The following HPD variants were observed in gnomAD, a reference collection of about 807,000 sequenced individuals.
HPD encodes the protein 4-hydroxyphenylpyruvate dioxygenase.
HPD carries 35 observed loss-of-function variants against 56.9 expected under a neutral mutation model. The observed-to-expected ratio is 0.62, with a 90% CI of 0.47 to 0.82. HPD has a LOEUF of 0.82. HPD is among the 40% of genes least tolerant of loss of function. The pLI, the probability that HPD is intolerant of heterozygous loss-of-function variation, is 0.00. For synonymous variants in HPD, 186 were observed against 200.2 expected, an observed-to-expected ratio of 0.93 and a Z score of 0.60; for missense variants, 442 against 506.8, an observed-to-expected ratio of 0.87 and a Z score of 1.23.
At chr12:121,876,848 C>G in the HPD span, among the ~76,000 whole-genome samples, 120 of 152,148 alleles carry the variant, frequency 7.9e-4, no homozygotes, top group African/African-American at 2.8e-3. Flanking sequence ...CTTTGGGAGG[C>G]TGAAGTGGGC....
intron 12 of HPD, among the ~76,000 whole-genome samples, chr12:121,842,609 T>C (rs1405384765): frequency 6.6e-6 from 1 of 151,878 alleles, no homozygotes; most frequent in Non-Finnish European, 1.5e-5. Flanking sequence ...TTTTTCTTTT[T>C]GTAGAGATGG....
At chr12:121,884,494 C>T in the HPD span, among the ~76,000 whole-genome samples, 1 of 151,272 alleles carries the variant, frequency 6.6e-6, no homozygotes, top group Admixed American at 6.6e-5. Context: ...TTTGTAGAGA[C>T]GTAAGTCTTG....
At chr12:121,885,358 C>T in the HPD span, among the ~76,000 whole-genome samples, 60 of 152,150 alleles carry the variant, frequency 3.9e-4, no homozygotes, top group South Asian at 0.012. Flanking sequence ...TGAGTCACCA[C>T]GTCCAGCTAA....
At chr12:121,848,701 G>A (rs867895575) in intron 9 of HPD, among the ~76,000 whole-genome samples, 4 of 152,092 alleles carry the variant, frequency 2.6e-5, no homozygotes, top group African/African-American at 9.7e-5. Flanking sequence ...CACCTCCCGG[G>A]TTCAAGCGAT....
Position 121,854,757 on chromosome 12 carries a change from C to T in HPD, c.360G>A (p.Glu120=), listed in dbSNP as rs756970460. The T allele has an allele frequency of 1.2e-6, 2 of 1,614,008 alleles. No individual in the cohort carries two copies. Among genetic ancestry groups the T allele is most frequent in the African/African-American group, 1.3e-5 (1 of 74,926 alleles). ...ARERGAKIMR[E]PWVEQDKFGK... ...CAAACTTGTCTTGCTCTACCCAGGG[C>T]TCCCGCATGATTTTGGCGCCCCGTT... The change falls in exon 7 of 14, where the codon GAG becomes GAA. Residue 120 remains glutamate (E), a synonymous_variant. Transcript: ENST00000289004.
Position 121,857,795 on chromosome 12 carries a change from A to G in HPD, c.55T>C (p.Phe19Leu), listed in dbSNP as rs1878059751. ...CCAACCCAGAAGGTCACAGAGTGGA[A>G]GTGGAGGAATCGGCCTCTCTCAGGC... ...AKPERGRFLH[F>L]HSVTFWVGNA... The change falls in exon 3 of 14, where the codon TTC becomes CTC. Residue 19 changes from phenylalanine (F) to leucine (L), a missense_variant. Physicochemically the swap from Phe to Leu is conservative, Grantham distance 22. Coordinates refer to ENST00000289004, the MANE Select transcript of HPD (RefSeq NM_002150.3). 1 of 1,613,950 alleles carries G rather than the reference A, an allele frequency of 6.2e-7. No homozygotes were observed. Among genetic ancestry groups the G allele is most frequent in the Non-Finnish European group, 8.5e-7 (1 of 1,179,868 alleles).
rs1387148840 is a variant in HPD, at chr12:121,847,096, G to A, written c.715C>T (p.Pro239Ser). Residue 239 changes from proline to serine, a missense_variant, in exon 10 of 14, where the codon CCC becomes TCC. Physicochemically the swap from Pro to Ser is moderately conservative, Grantham distance 74. Coordinates refer to ENST00000289004, the MANE Select transcript of HPD (RefSeq NM_002150.3). ...VANYEESIKM[P>S]INEPAPGKKK... ...TTGCCAGGCGCTGGCTCATTGATGG[G>A]CATCTTGATGGACTCTTCATAGTTG... is the stretch of plus-strand genomic sequence containing the variant. 6.2e-7 allele frequency: 1 copy of A among 1,614,036 alleles called. No homozygotes were observed. The highest frequency in any genetic ancestry group is 8.5e-7 in the Non-Finnish European group (1 of 1,180,044).
At chr12:121,855,655 T>C (rs556992676) in intron 6 of HPD, among the ~76,000 whole-genome samples, 5 of 151,314 alleles carry the variant, frequency 3.3e-5, no homozygotes, top group Non-Finnish European at 7.4e-5. Context: ...AGGTGGAGGT[T>C]GCAGTGAGCC....
At chr12:121,883,181 TG>T in the HPD span, among the ~76,000 whole-genome samples, 46 of 2,280 alleles carry the variant, frequency 0.02, no homozygotes, top group African/African-American at 0.028. Context: ...GAGCATAAGT[TG>T]TGTGTGTGTG....
chr12:121,860,590 GCTC>G, upstream of HPD, among the ~76,000 whole-genome samples: 1 of 152,260 alleles, frequency 6.6e-6, no homozygotes, highest in East Asian at 1.9e-4. Context: ...TTCAGGCTGG[GCTC>G]CACTGGATAA....
upstream of HPD, among the ~76,000 whole-genome samples, chr12:121,867,080 G>C (rs185871362): frequency 3.3e-5 from 5 of 152,284 alleles, no homozygotes; most frequent in South Asian, 2.1e-4. Context: ...GCCGGGTGTG[G>C]TGGCTCACGC....
At chr12:121,857,155 C>A (rs1400309550) in intron 4 of HPD, 173 bp downstream of exon 4, 4 of 614,732 alleles carry the variant, frequency 6.5e-6, no homozygotes, top group Admixed American at 2.3e-5. Context: ...CGTTGGCTCA[C>A]TGCAACCTCT....
At chr12:121,864,409 C>T (rs1249414506), upstream of HPD, among the ~76,000 whole-genome samples, 5 of 150,650 alleles carry the variant, frequency 3.3e-5, no homozygotes, top group Admixed American at 6.6e-5. Context: ...AAAAAGTAGC[C>T]GGCTATAGTG....
At chr12:121,869,527 A>G in the HPD span, among the ~76,000 whole-genome samples, 1 of 150,396 alleles carries the variant, frequency 6.6e-6, no homozygotes, top group Admixed American at 6.8e-5. Flanking sequence ...CTTATCGAAT[A>G]TATTTGGAAG....
rs1031930528 is a variant in HPD, at chr12:121,857,373, C to G, written c.153G>C (p.Glu51Asp). 7.4e-6 allele frequency: 12 copies of G among 1,614,052 alleles called. No homozygotes were observed. The African/African-American group carries it at 1.6e-4, about 22-fold the overall frequency. Residue 51 changes from glutamate to aspartate, a missense_variant, in exon 4 of 14, where the codon GAG becomes GAC. Transcript: ENST00000289004. ...GFEPLAYRGL[E>D]TGSREVVSHV... is the part of the protein sequence containing the mutation. ...GGCTGACCACCTCCCGGGAACCGGT[C>G]TCCAGGCCCCTGTAGGCTAGAGGTT...
upstream of HPD, among the ~76,000 whole-genome samples, chr12:121,859,602 C>A (rs1419332350): frequency 6.6e-6 from 1 of 152,198 alleles, no homozygotes; most frequent in Non-Finnish European, 1.5e-5. Flanking sequence ...ATATTGATAT[C>A]CCCATCAGAT....
chr12:121,874,293 A>G, the HPD span: 1 of 152,122 alleles, frequency 6.6e-6, no homozygotes, highest in African/African-American at 2.4e-5. Context: ...CCACATTCAT[A>G]TTACTATGTT....
chr12:121,868,248 T>A (rs1878375233), upstream of HPD, among the ~76,000 whole-genome samples: 1 of 152,140 alleles, frequency 6.6e-6, no homozygotes, highest in Admixed American at 6.6e-5. Context: ...TATTAACAAA[T>A]CAAGGGAGAA....
chr12:121,859,553 C>A (rs1480713910), upstream of HPD, among the ~76,000 whole-genome samples: 2 of 152,166 alleles, frequency 1.3e-5, no homozygotes, highest in African/African-American at 4.8e-5. Context: ...CCAGGACCCA[C>A]ACTTTAAATT....
Sources: gnomAD v4.1 joint callset for allele counts (sites outside exome capture counted in the v4.1 genomes callset) on GRCh38, gnomAD v4.1.1 for gene constraint, MANE v1.5 for transcripts, NCBI Gene and HGNC (gene_info 2026-07-23, HGNC 2026-07-21) for gene names.